The following GNG12 variants were observed in gnomAD, a reference collection of about 807,000 sequenced individuals.
GNG12 encodes the protein guanine nucleotide-binding protein G(I)/G(S)/G(O) subunit gamma-12.
For synonymous variants in GNG12, 28 were observed against 29.7 expected, an observed-to-expected ratio of 0.94 and a Z score of 0.19; for missense variants, 69 against 83.8, an observed-to-expected ratio of 0.82 and a Z score of 0.69.
chr1:67,709,237 A>G (rs1014665456), intron 2 of GNG12, among the ~76,000 whole-genome samples: 1 of 152,240 alleles, frequency 6.6e-6, no homozygotes, highest in Admixed American at 6.5e-5. Context: ...AAGGCATTCC[A>G]TGAACTGCAG....
At chr1:67,736,638 C>T (rs1646454153) in intron 2 of GNG12, among the ~76,000 whole-genome samples, 2 of 152,112 alleles carry the variant, frequency 1.3e-5, no homozygotes, top group African/African-American at 4.8e-5. Flanking sequence ...GAGCAGTGAC[C>T]CCCTCACAGG....
intron 2 of GNG12, among the ~76,000 whole-genome samples, chr1:67,715,366 T>C (rs1347643100): frequency 6.6e-6 from 1 of 152,188 alleles, no homozygotes; most frequent in African/African-American, 2.4e-5. Context: ...TGTTATGGCG[T>C]TCCTAGCACA....
chr1:67,786,993 AT>A (rs1646773011), intron 1 of GNG12, among the ~76,000 whole-genome samples: 1 of 144,238 alleles, frequency 6.9e-6, no homozygotes, highest in African/African-American at 2.6e-5. Context: ...GTGTATGTAT[AT>A]ATATGTGTAT....
chr1:67,736,975 T>C (rs1465827260), intron 2 of GNG12, among the ~76,000 whole-genome samples: 1 of 152,086 alleles, frequency 6.6e-6, no homozygotes, highest in African/African-American at 2.4e-5. Flanking sequence ...GAGGAGTGAG[T>C]GAGCATGGCC....
chr1:67,766,037 T>A (rs114068244), intron 2 of GNG12, among the ~76,000 whole-genome samples: 1 of 151,816 alleles, frequency 6.6e-6, no homozygotes, highest in Admixed American at 6.6e-5. Context: ...TTTATAGCTA[T>A]AAGAGTATTC....
chr1:67,720,605 G>A (rs1646351376), intron 2 of GNG12, among the ~76,000 whole-genome samples: 1 of 152,116 alleles, frequency 6.6e-6, no homozygotes, highest in Admixed American at 6.5e-5. Flanking sequence ...TCTGTGCCAG[G>A]CACTGTGTTA....
chr1:67,810,797 G>A (rs1291962425), intron 1 of GNG12, among the ~76,000 whole-genome samples: 1 of 152,186 alleles, frequency 6.6e-6, no homozygotes, highest in Non-Finnish European at 1.5e-5. Flanking sequence ...CCAGTTCTGT[G>A]ATGACCGCAA....
At chr1:67,739,741 G>A (rs1042989091) in intron 2 of GNG12, among the ~76,000 whole-genome samples, 1 of 152,192 alleles carries the variant, frequency 6.6e-6, no homozygotes, top group Non-Finnish European at 1.5e-5. Flanking sequence ...GAGCAGATCA[G>A]AGCTGGGCAT....
At chr1:67,791,785 C>T (rs1056293695) in intron 1 of GNG12, among the ~76,000 whole-genome samples, 2 of 152,158 alleles carry the variant, frequency 1.3e-5, no homozygotes, top group African/African-American at 4.8e-5. Flanking sequence ...TCCTCAACCC[C>T]CCATCTAGTT....
chr1:67,747,500 C>G (rs116301498), intron 2 of GNG12, among the ~76,000 whole-genome samples: 1 of 152,216 alleles, frequency 6.6e-6, no homozygotes, highest in Non-Finnish European at 1.5e-5. Context: ...CCTCATCAGA[C>G]ACCAATCATA....
At chr1:67,785,021 C>T (rs182189844) in intron 1 of GNG12, among the ~76,000 whole-genome samples, 22 of 152,270 alleles carry the variant, frequency 1.4e-4, no homozygotes, top group Non-Finnish European at 3.1e-4. Context: ...CTGCAGCTGG[C>T]CACAACCAGA....
intron 2 of GNG12, among the ~76,000 whole-genome samples, chr1:67,720,704 A>G (rs1400382744): frequency 6.6e-6 from 1 of 152,242 alleles, no homozygotes; most frequent in African/African-American, 2.4e-5. Flanking sequence ...TTCAAATTCT[A>G]AAAGAATATA....
At chr1:67,822,109 G>A (rs1646988197) in intron 1 of GNG12, among the ~76,000 whole-genome samples, 1 of 151,988 alleles carries the variant, frequency 6.6e-6, no homozygotes, top group Admixed American at 6.6e-5. Context: ...TTTTAAGCAA[G>A]TTTATGAATT....
intron 1 of GNG12, among the ~76,000 whole-genome samples, chr1:67,817,422 C>T (rs1052624190): frequency 3.3e-5 from 5 of 152,206 alleles, no homozygotes; most frequent in Admixed American, 1.3e-4. Flanking sequence ...GAGGCAGTCT[C>T]TCAAAGTCAC....
chr1:67,746,843 G>A (rs1646510752), intron 2 of GNG12, among the ~76,000 whole-genome samples: 1 of 152,184 alleles, frequency 6.6e-6, no homozygotes, highest in South Asian at 2.1e-4. Flanking sequence ...ACAACAGAAA[G>A]GGGGTAAAAT....
chr1:67,794,217 C>G (rs1646817088), intron 1 of GNG12, among the ~76,000 whole-genome samples: 1 of 152,200 alleles, frequency 6.6e-6, no homozygotes, highest in Admixed American at 6.5e-5. Flanking sequence ...ACCAGAGAGT[C>G]CTCAACATCT....
chr1:67,759,560 A>G (rs1349097552), intron 2 of GNG12, among the ~76,000 whole-genome samples: 3 of 152,224 alleles, frequency 2.0e-5, no homozygotes, highest in South Asian at 2.1e-4. Flanking sequence ...CAAAATGGAC[A>G]TAAGAACTAT....
intron 1 of GNG12, among the ~76,000 whole-genome samples, chr1:67,781,242 T>C (rs1646735786): frequency 6.6e-6 from 1 of 152,206 alleles, no homozygotes. Flanking sequence ...AAGAATCCAC[T>C]AGCTTCCCAT....
At chr1:67,760,619 T>C (rs1355406942) in intron 2 of GNG12, among the ~76,000 whole-genome samples, 1 of 152,198 alleles carries the variant, frequency 6.6e-6, no homozygotes, top group African/African-American at 2.4e-5. Flanking sequence ...TCAAAGCTAA[T>C]GTAGAACTGT....
Sources: gnomAD v4.1 joint callset for allele counts (sites outside exome capture counted in the v4.1 genomes callset) on GRCh38, gnomAD v4.1.1 for gene constraint, MANE v1.5 for transcripts, NCBI Gene and HGNC (gene_info 2026-07-23, HGNC 2026-07-21) for gene names.